Variants in FAF1 observed in about 807,000 individuals in gnomAD.
FAF1 encodes FAS-associated factor 1.
Under a neutral mutation model 92.5 loss-of-function variants are expected in FAF1, and 25 were observed. The ratio of observed to expected loss-of-function variants is 0.27; its 90% CI spans 0.20 to 0.38. The LOEUF is 0.38. FAF1 is among the 10% of genes least tolerant of loss of function. The probability of loss-of-function intolerance (pLI) is 1.00; values close to 1 mark genes in which losing one functional copy is unlikely to be tolerated. For missense variants in FAF1, 636 were observed against 793.3 expected, an observed-to-expected ratio of 0.80 and a Z score of 2.38; for synonymous variants, 234 against 273.2, an observed-to-expected ratio of 0.86 and a Z score of 1.42.
chr1:50,708,874 G>C (rs1285139528), intron 6 of FAF1, among the ~76,000 whole-genome samples: 1 of 152,194 alleles, frequency 6.6e-6, no homozygotes, highest in Admixed American at 6.5e-5. Flanking sequence ...TTAAAGGTGG[G>C]AAGGGCAGAA....
At chr1:50,797,757 G>T (rs1368356935) in intron 3 of FAF1, among the ~76,000 whole-genome samples, 2 of 152,174 alleles carry the variant, frequency 1.3e-5, no homozygotes, top group Non-Finnish European at 2.9e-5. Context: ...TGTAGACCCA[G>T]TTACTCAGGA....
chr1:50,755,684 A>T (rs1660048815), intron 4 of FAF1, among the ~76,000 whole-genome samples: 1 of 152,110 alleles, frequency 6.6e-6, no homozygotes, highest in South Asian at 2.1e-4. Flanking sequence ...CCACCCCCAC[A>T]GCAAGCTTCT....
intron 4 of FAF1, among the ~76,000 whole-genome samples, chr1:50,749,923 C>T (rs895618472): frequency 2.0e-5 from 3 of 151,988 alleles, no homozygotes; most frequent in African/African-American, 7.3e-5. Context: ...TTGCAGAGTG[C>T]CTAATACATA....
intron 2 of FAF1, among the ~76,000 whole-genome samples, chr1:50,805,229 CT>C: frequency 6.6e-6 from 1 of 152,262 alleles, no homozygotes; most frequent in African/African-American, 2.4e-5. Flanking sequence ...AACATCTTGC[CT>C]TGACCTAGTT....
intron 18 of FAF1, among the ~76,000 whole-genome samples, chr1:50,472,538 C>T (rs539614666): frequency 1.3e-5 from 2 of 152,040 alleles, no homozygotes; most frequent in Non-Finnish European, 2.9e-5. Flanking sequence ...GAATTATGCT[C>T]AGCAGACATT....
At chr1:50,455,082 T>C (rs972945511) in intron 18 of FAF1, among the ~76,000 whole-genome samples, 1 of 152,198 alleles carries the variant, frequency 6.6e-6, no homozygotes, top group East Asian at 1.9e-4. Flanking sequence ...ACTCCGTTGG[T>C]GATACCATCA....
chr1:50,957,378 G>GC (rs1645276676), intron 1 of FAF1, among the ~76,000 whole-genome samples: 3 of 61,430 alleles, frequency 4.9e-5, no homozygotes, highest in African/African-American at 1.9e-4. Context: ...TTGAGACAGA[G>GC]TCTCGCTCTG....
intron 15 of FAF1, among the ~76,000 whole-genome samples, chr1:50,513,260 G>C (rs1361626596): frequency 1.3e-5 from 2 of 152,096 alleles, no homozygotes; most frequent in East Asian, 3.9e-4. Flanking sequence ...CGGGCAGATT[G>C]CTTGAGCCCA....
chr1:50,623,065 T>C (rs1004746378), intron 8 of FAF1, among the ~76,000 whole-genome samples: 4 of 152,192 alleles, frequency 2.6e-5, no homozygotes, highest in South Asian at 4.1e-4. Context: ...TTCTCACCGG[T>C]TCCCAACTTT....
chr1:50,706,886 T>C (rs1216745744), intron 6 of FAF1, among the ~76,000 whole-genome samples: 1 of 152,094 alleles, frequency 6.6e-6, no homozygotes, highest in Non-Finnish European at 1.5e-5. Context: ...ATGTGACAAA[T>C]ACACACACAA....
At chr1:50,604,607 A>G (rs1572863664) in intron 8 of FAF1, among the ~76,000 whole-genome samples, 1 of 152,174 alleles carries the variant, frequency 6.6e-6, no homozygotes, top group African/African-American at 2.4e-5. Context: ...TCCCAGCATC[A>G]AGCAATCCTC....
At chr1:50,845,216 G>C (rs1644288063) in intron 2 of FAF1, among the ~76,000 whole-genome samples, 2 of 152,210 alleles carry the variant, frequency 1.3e-5, no homozygotes, top group African/African-American at 4.8e-5. Context: ...GGACACTGCA[G>C]AAGGAAGATG....
At chr1:50,819,072 G>A (rs1349253811) in intron 2 of FAF1, among the ~76,000 whole-genome samples, 1 of 152,112 alleles carries the variant, frequency 6.6e-6, no homozygotes, top group Non-Finnish European at 1.5e-5. Flanking sequence ...GTTTCAGATT[G>A]TGGAGCATTT....
chr1:50,550,176 C>T (rs1003633177), intron 13 of FAF1, among the ~76,000 whole-genome samples: 4 of 151,532 alleles, frequency 2.6e-5, no homozygotes, highest in South Asian at 2.1e-4. Context: ...ATGGTGAAAC[C>T]CCTCTCTACT....
At chr1:50,543,153 G>C (rs1262345220) in intron 13 of FAF1, among the ~76,000 whole-genome samples, 3 of 152,032 alleles carry the variant, frequency 2.0e-5, no homozygotes, top group Admixed American at 1.3e-4. Flanking sequence ...AATCAGATAT[G>C]GCAAAAAGTA....
chr1:50,835,925 T>C (rs1213723490), intron 2 of FAF1, among the ~76,000 whole-genome samples: 1 of 152,052 alleles, frequency 6.6e-6, no homozygotes, highest in African/African-American at 2.4e-5. Context: ...GCATTTAAAA[T>C]AATCTGTGGG....
At chr1:50,900,401 T>C (rs1264780468) in intron 1 of FAF1, among the ~76,000 whole-genome samples, 1 of 152,226 alleles carries the variant, frequency 6.6e-6, no homozygotes, top group Non-Finnish European at 1.5e-5. Flanking sequence ...GCAATGGTGA[T>C]TATTGTTTTC....
rs963135695 is a variant in FAF1, at chr1:50,622,434, A to C, written c.745-26218T>G. Reference sequence around the variant, plus strand: ...AGCCACTCTTGGCATTTTCTCTCCTAAGAGTTGCCCAAATTATGCTGACTT... The same window carrying C: ...AGCCACTCTTGGCATTTTCTCTCCTCAGAGTTGCCCAAATTATGCTGACTT... On this transcript the variant is annotated intron_variant, in intron 8 of 18. Transcript: ENST00000396153. Among the ~76,000 whole-genome samples the C allele has an allele frequency of 5.9e-5, 9 of 151,830 alleles. No homozygotes were observed. In the East Asian group the frequency reaches 1.6e-3, roughly 26 times the overall value.
At chr1:50,686,839 G>A (rs776482712) in intron 7 of FAF1, among the ~76,000 whole-genome samples, 4 of 151,640 alleles carry the variant, frequency 2.6e-5, no homozygotes, top group African/African-American at 9.7e-5. Context: ...CTTTTTTGGG[G>A]TTTTTTTTAC....
Sources: gnomAD v4.1 joint callset for allele counts (sites outside exome capture counted in the v4.1 genomes callset) on GRCh38, gnomAD v4.1.1 for gene constraint, MANE v1.5 for transcripts, NCBI Gene and HGNC (gene_info 2026-07-23, HGNC 2026-07-21) for gene names.